The following CEP63 variants were observed in gnomAD, a reference collection of about 807,000 sequenced individuals.
The protein encoded by CEP63 is centrosomal protein 63.
In CEP63, 84 loss-of-function variants were observed where a neutral mutation model predicts 89.1. The observed-to-expected ratio is 0.94, with a 90% confidence interval of 0.79 to 1.13. CEP63 has a LOEUF of 1.13. Ranked by LOEUF, CEP63 falls within the 50% of genes most tolerant of loss-of-function variation. The pLI, the probability that CEP63 is intolerant of heterozygous loss-of-function variation, is 0.00. For missense variants in CEP63, 838 were observed against 813.3 expected, an observed-to-expected ratio of 1.03 and a Z score of -0.37; for synonymous variants, 267 against 272.5, an observed-to-expected ratio of 0.98 and a Z score of 0.20.
chr3:134,532,947 G>C, intron 5 of CEP63, 47 bp downstream of exon 5: 1 of 1,602,874 alleles, frequency 6.2e-7, no homozygotes, highest in Non-Finnish European at 8.5e-7. Context: ...CAGCCTTCAC[G>C]TAGGAAAATG....
At chr3:134,667,118 A>G in the CEP63 span, among the ~76,000 whole-genome samples, 2 of 152,284 alleles carry the variant, frequency 1.3e-5, no homozygotes, top group Admixed American at 1.3e-4. Flanking sequence ...ATTCATCACC[A>G]TCTTTTTCCA....
chr3:134,574,805 A>T, exon 12 of CEP63: 1 of 610,516 alleles, frequency 1.6e-6, no homozygotes, highest in South Asian at 1.8e-5. Context: ...ATGGGGTTTT[A>T]CCATGTTGTC....
chr3:134,770,315 C>G, the CEP63 span, among the ~76,000 whole-genome samples: 1 of 152,192 alleles, frequency 6.6e-6, no homozygotes. Context: ...GGTAGCCAGT[C>G]CATGAGAGTC....
At chr3:134,773,616 A>G in the CEP63 span, among the ~76,000 whole-genome samples, 1 of 152,120 alleles carries the variant, frequency 6.6e-6, no homozygotes, top group African/African-American at 2.4e-5. Flanking sequence ...GACCACTGCC[A>G]TTTCTCCAAC....
At chr3:134,770,727 A>G in the CEP63 span, among the ~76,000 whole-genome samples, 1 of 152,188 alleles carries the variant, frequency 6.6e-6, no homozygotes, top group Admixed American at 6.5e-5. Flanking sequence ...CCCTACTCAC[A>G]GTATCTTTGC....
rs1342102637 is a variant in CEP63, at chr3:134,564,133, T to C, written c.*2598T>C. 6.9e-6 allele frequency: 2 copies of C among 290,690 alleles called. No homozygotes were observed. Among genetic ancestry groups the C allele is most frequent in the South Asian group, 2.7e-4 (2 of 7,354 alleles). The allele number at this position is 290,690 out of a possible 1,614,324, so 18.0% of individuals were successfully genotyped here. ...TGTTTGTACTGTCTATTTCTGTCTT[T>C]AGAATTAAAACTCCTTGAGGGCAAG... On this transcript the variant is annotated 3_prime_UTR_variant, in exon 15 of 15. Transcript: ENST00000675561.
chr3:134,579,833 C>T (rs1958301884), downstream of CEP63, among the ~76,000 whole-genome samples: 6 of 152,146 alleles, frequency 3.9e-5, no homozygotes, highest in South Asian at 1.2e-3. Context: ...ATAGTATATC[C>T]ATGCAAATAA....
intron 10 of CEP63, among the ~76,000 whole-genome samples, chr3:134,584,138 T>G (rs1021418775): frequency 6.6e-6 from 1 of 152,188 alleles, no homozygotes; most frequent in Non-Finnish European, 1.5e-5. Context: ...ACAATTTGAC[T>G]TCCTCTTTTC....
chr3:134,500,327 T>G (rs1362169651), intron 2 of CEP63, among the ~76,000 whole-genome samples: 3 of 152,218 alleles, frequency 2.0e-5, no homozygotes, highest in African/African-American at 7.2e-5. Flanking sequence ...CTACATTTTC[T>G]TTATCCAGTC....
At chr3:134,608,061 G>A in the CEP63 span, 10 of 1,084,866 alleles carry the variant, frequency 9.2e-6, no homozygotes, top group Admixed American at 4.3e-4. Flanking sequence ...CCAACTCTCT[G>A]TCTTGGGTGG....
chr3:134,739,881 G>A, the CEP63 span, among the ~76,000 whole-genome samples: 1 of 152,134 alleles, frequency 6.6e-6, no homozygotes, highest in Non-Finnish European at 1.5e-5. Flanking sequence ...TTTCAACAAC[G>A]TGTTTCAAGT....
At chr3:134,761,238 C>T in the CEP63 span, among the ~76,000 whole-genome samples, 1 of 152,210 alleles carries the variant, frequency 6.6e-6, no homozygotes, top group East Asian at 1.9e-4. Flanking sequence ...CAAAGCTCTG[C>T]CCATTTGTTC....
the CEP63 span, among the ~76,000 whole-genome samples, chr3:134,775,110 T>C: frequency 6.6e-6 from 1 of 152,218 alleles, no homozygotes; most frequent in Non-Finnish European, 1.5e-5. Flanking sequence ...CATACCTTTA[T>C]TGTCTTCTTC....
chr3:134,763,830 G>A, the CEP63 span, among the ~76,000 whole-genome samples: 1 of 152,158 alleles, frequency 6.6e-6, no homozygotes, highest in African/African-American at 2.4e-5. Context: ...ATGCTCTTCA[G>A]GCTCCATGTG....
the CEP63 span, among the ~76,000 whole-genome samples, chr3:134,693,753 G>A: frequency 6.6e-6 from 1 of 152,200 alleles, no homozygotes; most frequent in African/African-American, 2.4e-5. Flanking sequence ...CATGGCTAAA[G>A]AACGTAGAGA....
intron 12 of CEP63, chr3:134,552,762 A>G (rs1955204454): frequency 6.6e-6 from 1 of 152,130 alleles, no homozygotes; most frequent in African/African-American, 2.4e-5. Flanking sequence ...TTCACATAAT[A>G]AAATATTTTA....
chr3:134,620,623 T>G, the CEP63 span: 1 of 671,610 alleles, frequency 1.5e-6, no homozygotes, highest in East Asian at 2.7e-5. Flanking sequence ...ATCAGTCCAG[T>G]CTTCTGGGTC....
chr3:134,710,910 C>T, the CEP63 span, among the ~76,000 whole-genome samples: 3 of 151,714 alleles, frequency 2.0e-5, no homozygotes, highest in Non-Finnish European at 2.9e-5. Flanking sequence ...TTAGTAGAGA[C>T]GGGGTTTCAC....
At chr3:134,715,203 C>T in the CEP63 span, among the ~76,000 whole-genome samples, 29 of 152,276 alleles carry the variant, frequency 1.9e-4, no homozygotes, top group Admixed American at 1.6e-3. Context: ...ATACAGAGCC[C>T]GAATCCAGCT....
Sources: allele counts gnomAD v4.1 joint callset (sites outside exome capture counted in the v4.1 genomes callset), GRCh38; gene constraint gnomAD v4.1.1; transcripts MANE v1.5; gene names NCBI Gene and HGNC (gene_info 2026-07-23, HGNC 2026-07-21).